Variants in ANAPC7 observed in about 807,000 individuals in gnomAD.
ANAPC7 encodes anaphase promoting complex subunit 7, also known as anaphase-promoting complex subunit 7.
Under a neutral mutation model 63.3 loss-of-function variants are expected in ANAPC7, and 25 were observed. The observed-to-expected ratio is 0.39, with a 90% CI of 0.29 to 0.55. The LOEUF is 0.55. ANAPC7 is among the 20% of genes least tolerant of loss of function. The pLI is 0.57. For synonymous variants in ANAPC7, 241 were observed against 251.7 expected, an observed-to-expected ratio of 0.96 and a Z score of 0.40; for missense variants, 516 against 691.7, an observed-to-expected ratio of 0.75 and a Z score of 2.85.
intron 5 of ANAPC7, chr12:110,387,281 G>GAGAGAGAGAGAGAC (rs1882592275): frequency 1.7e-5 from 2 of 119,174 alleles, no homozygotes; most frequent in Admixed American, 8.1e-5. Flanking sequence ...GAGAGAGAGA[G>GAGAGAGAGAGAGAC]AGAGACAGAG....
intron 8 of ANAPC7, among the ~76,000 whole-genome samples, chr12:110,378,369 C>T (rs1261227768): frequency 6.6e-6 from 1 of 152,256 alleles, no homozygotes; most frequent in Non-Finnish European, 1.5e-5. Context: ...ATTAGGATTA[C>T]AGGCGTAAGC....
At chr12:110,378,441 C>G (rs1025147839) in intron 8 of ANAPC7, 2 of 152,182 alleles carry the variant, frequency 1.3e-5, no homozygotes, top group African/African-American at 4.8e-5. Flanking sequence ...AAATAAAGGA[C>G]TTATTGTCAA....
chr12:110,384,986 G>C (rs925386472), intron 6 of ANAPC7, among the ~76,000 whole-genome samples: 36 of 152,180 alleles, frequency 2.4e-4, no homozygotes, highest in African/African-American at 8.4e-4. Context: ...GCCTCGGGCT[G>C]GGTGCAGTGG....
chr12:110,373,080 T>C lies in ANAPC7; in HGVS notation c.*1064A>G, dbSNP rs1421609960. 1.3e-5 allele frequency: 2 copies of C among 152,134 alleles called. No homozygotes were observed. The highest frequency in any genetic ancestry group is 4.8e-5 in the African/African-American group (2 of 41,426). The allele number at this position is 152,134 out of a possible 1,614,324, so 9.4% of individuals were successfully genotyped here. A position where few individuals can be genotyped will look rare whatever the true frequency, so the allele number is the denominator to read the frequency against. ...GTGACACCCACCCCTCACCTCCGAT[T>C]AATTGTATACTCAGAGCCATCGCAA... On this transcript the variant is annotated 3_prime_UTR_variant, in exon 11 of 11. Transcript: ENST00000455511.
In ANAPC7 at chr12:110,403,494, C is replaced by G. The variant is rs533203306; in HGVS notation, c.101+33G>C. ...GCTCCCAGACCGCCGCCGCTTTCTC[C>G]TCAGCCCCAGGCAGCTACCCGCCTC... On this transcript the variant is annotated intron_variant, in intron 1 of 10. Coordinates refer to ENST00000455511, the MANE Select transcript of ANAPC7 (RefSeq NM_016238.3). 220 of 1,556,374 alleles carry G rather than the reference C, an allele frequency of 1.4e-4. No individual in the cohort carries two copies. In the African/African-American group the frequency reaches 2.5e-3, roughly 18 times the overall value.
chr12:110,373,774 G>C lies in ANAPC7; in HGVS notation c.*370C>G, dbSNP rs1343109755. 5.6e-6 allele frequency: 1 copy of C among 179,484 alleles called. No homozygotes were observed. The highest frequency in any genetic ancestry group is 2.4e-5 in the African/African-American group (1 of 42,544). 11.1% of individuals were successfully genotyped at this position (179,484 alleles called of 1,614,324 possible). ...CTTGGGAGATGACATTATCGTGCTG[G>C]GATGGTGGGTAACTCCTTCAAACCA... On this transcript the variant is annotated 3_prime_UTR_variant, in exon 11 of 11. Transcript: ENST00000455511.
chr12:110,401,100 G>C (rs2137998484), intron 1 of ANAPC7, among the ~76,000 whole-genome samples: 1 of 152,220 alleles, frequency 6.6e-6, no homozygotes, highest in East Asian at 1.9e-4. Context: ...AATCCAATGG[G>C]CAGCAGCAGC....
intron 8 of ANAPC7, among the ~76,000 whole-genome samples, chr12:110,381,003 G>C (rs1189947483): frequency 6.6e-6 from 1 of 151,234 alleles, no homozygotes; most frequent in Non-Finnish European, 1.5e-5. Flanking sequence ...GTCTGACACA[G>C]AGAGATTCAT....
intron 3 of ANAPC7, among the ~76,000 whole-genome samples, chr12:110,389,081 T>TAAAAAA (rs778746037): frequency 1.0e-4 from 10 of 98,266 alleles, no homozygotes; most frequent in South Asian, 6.4e-4. Flanking sequence ...GACTCCATCT[T>TAAAAAA]AAAAAAAAAA....
Position 110,381,954 on chromosome 12 carries a change from G to GAAAAAAAAAAAAAAA in ANAPC7, c.936-21_936-7dup, listed in dbSNP as rs35699984. 3 of 977,134 alleles carry GAAAAAAAAAAAAAAA rather than the reference G, an allele frequency of 3.1e-6. No homozygotes were observed. The highest frequency in any genetic ancestry group is 2.2e-5 in the African/African-American group (1 of 46,308). 60.5% of individuals were successfully genotyped at this position (977,134 alleles called of 1,614,324 possible). Reference sequence around the variant, plus strand: ...TGCTATAGAAGCTGTGACAGCTGGAGAAAAAAAAAAAAAAAAAAACACAAA... The same window carrying GAAAAAAAAAAAAAAA: ...TGCTATAGAAGCTGTGACAGCTGGAGAAAAAAAAAAAAAAAAAAAAAAAAAAAAAAAAAACACAAA... On this transcript the variant is annotated splice_polypyrimidine_tract_variant and splice_region_variant and intron_variant, in intron 7 of 10. Coordinates refer to ENST00000455511, the MANE Select transcript of ANAPC7 (RefSeq NM_016238.3).
At chr12:110,378,825 T>C (rs1473339264) in intron 8 of ANAPC7, 1 of 152,070 alleles carries the variant, frequency 6.6e-6, no homozygotes, top group Non-Finnish European at 1.5e-5. Flanking sequence ...CCACACACTA[T>C]GGTTACTTAA....
chr12:110,397,112 G>A (rs1418271400), intron 1 of ANAPC7, among the ~76,000 whole-genome samples: 4 of 151,874 alleles, frequency 2.6e-5, no homozygotes, highest in African/African-American at 9.7e-5. Flanking sequence ...GCTGAAGCAG[G>A]AGACTGGCAT....
intron 7 of ANAPC7, among the ~76,000 whole-genome samples, chr12:110,382,321 G>A (rs1376940601): frequency 6.6e-6 from 1 of 150,464 alleles, no homozygotes; most frequent in East Asian, 1.9e-4. Context: ...CTCAGTTAAT[G>A]CTTAACCCTA....
In ANAPC7 at chr12:110,403,581, T is replaced by G. The variant is rs762759610; in HGVS notation, c.47A>C (p.His16Pro). ...HVRDMAAAGLHSNVRLLSSLL... is the reference protein window; with the variant it reads ...HVRDMAAAGLPSNVRLLSSLL... The stretch of plus-strand genomic sequence containing the variant: ...GCTGCTGAGGAGCCGCACGTTGGAG[T>G]GCAGCCCCGCGGCCGCCATGTCCCG... The change falls in exon 1 of 11, where the codon CAC becomes CCC. Residue 16 changes from histidine (H) to proline (P), a missense_variant. By Grantham distance (77) the His-to-Pro change is moderately conservative. Transcript: ENST00000455511. The G allele has an allele frequency of 4.4e-6, 7 of 1,609,024 alleles. No individual in the cohort carries two copies. The highest frequency in any genetic ancestry group is 5.9e-6 in the Non-Finnish European group (7 of 1,178,220).
At chr12:110,402,952 G>A (rs2062253744) in intron 1 of ANAPC7, among the ~76,000 whole-genome samples, 1 of 151,052 alleles carries the variant, frequency 6.6e-6, no homozygotes, top group Non-Finnish European at 1.5e-5. Flanking sequence ...ATGTTGCCCA[G>A]GTTGGTCTTG....
chr12:110,385,209 T>C (rs936345240), intron 6 of ANAPC7, among the ~76,000 whole-genome samples: 1 of 152,194 alleles, frequency 6.6e-6, no homozygotes, highest in Non-Finnish European at 1.5e-5. Context: ...GAGGTTGCAG[T>C]GAGCAGAGAT....
At chr12:110,394,669 C>CAAAAAAAAAAAAAAAAA (rs779142936) in intron 3 of ANAPC7, among the ~76,000 whole-genome samples, 1 of 42,788 alleles carries the variant, frequency 2.3e-5, no homozygotes, top group African/African-American at 1.1e-4. Context: ...AATTCCACCT[C>CAAAAAAAAAAAAAAAAA]AAAAAAAAAA....
intron 1 of ANAPC7, among the ~76,000 whole-genome samples, chr12:110,403,162 G>A (rs1228589560): frequency 2.0e-5 from 3 of 152,174 alleles, no homozygotes; most frequent in African/African-American, 7.2e-5. Flanking sequence ...CTGAGCTGCA[G>A]CGAGAGAAAA....
intron 6 of ANAPC7, among the ~76,000 whole-genome samples, chr12:110,383,875 C>CAAAAAAAAAAAAAAAAAAAAAAAAAAAA (rs1159374781): frequency 2.0e-5 from 1 of 50,676 alleles, no homozygotes; most frequent in African/African-American, 6.8e-5. Flanking sequence ...GACTCCGTCT[C>CAAAAAAAAAAAAAAAAAAAAAAAAAAAA]AAAAAAAAAA....
Sources: allele counts gnomAD v4.1 joint callset (sites outside exome capture counted in the v4.1 genomes callset), GRCh38; gene constraint gnomAD v4.1.1; transcripts MANE v1.5; gene names NCBI Gene and HGNC (gene_info 2026-07-23, HGNC 2026-07-21).